Variants in TEX9 observed in about 807,000 individuals in gnomAD.
The protein encoded by TEX9 is testis-expressed protein 9.
A neutral mutation model predicts 59.6 loss-of-function variants in TEX9; 74 were observed. The ratio of observed to expected loss-of-function variants is 1.24; its 90% CI spans 1.03 to 1.51. The LOEUF is 1.51. TEX9 is among the 40% of genes most tolerant of loss of function. The pLI, the probability that TEX9 is intolerant of heterozygous loss-of-function variation, is 0.00. For missense variants in TEX9, 522 were observed against 447.8 expected (o/e 1.17, Z -1.49); for synonymous variants, 186 against 152.2 (o/e 1.22, Z -1.64).
chr15:56,273,789 G>A (rs1219080092), intron 1 of TEX9, among the ~76,000 whole-genome samples: 1 of 152,120 alleles, frequency 6.6e-6, no homozygotes, highest in African/African-American at 2.4e-5. Context: ...CTGATGAATA[G>A]TCTACTCTAA....
chr15:56,252,011 C>T (rs1293145641), intron 1 of TEX9, among the ~76,000 whole-genome samples: 2 of 152,142 alleles, frequency 1.3e-5, no homozygotes. Context: ...TTCTCCTCCC[C>T]CAGAGAGTCT....
chr15:56,423,368 A>G (rs1481770087), intron 10 of TEX9, among the ~76,000 whole-genome samples: 1 of 152,094 alleles, frequency 6.6e-6, no homozygotes, highest in African/African-American at 2.4e-5. Flanking sequence ...CAATCCCCAC[A>G]TATTTGTGGA....
chr15:56,251,816 G>A (rs994314628), intron 1 of TEX9, among the ~76,000 whole-genome samples: 1 of 152,084 alleles, frequency 6.6e-6, no homozygotes, highest in South Asian at 2.1e-4. Flanking sequence ...TATTGGCCAG[G>A]CCTTGGGGAA....
chr15:56,282,888 C>T (rs1487216962), intron 1 of TEX9, among the ~76,000 whole-genome samples: 1 of 151,926 alleles, frequency 6.6e-6, no homozygotes, highest in Non-Finnish European at 1.5e-5. Flanking sequence ...TGGAACTGCA[C>T]TAGTTATTTT....
chr15:56,380,372 T>A (rs1174319373), intron 3 of TEX9, among the ~76,000 whole-genome samples: 4 of 152,204 alleles, frequency 2.6e-5, no homozygotes, highest in Non-Finnish European at 4.4e-5. Flanking sequence ...TACTGTACTG[T>A]CTATGAGTTA....
intron 1 of TEX9, chr15:56,249,143 G>C (rs1302684013): frequency 6.6e-6 from 1 of 152,178 alleles, no homozygotes; most frequent in African/African-American, 2.4e-5. Context: ...GTGTGTGACA[G>C]GATAATTTAT....
chr15:56,253,605 GTGAGTATTAAAGCTGTTAAAGT>G (rs1285826660), intron 1 of TEX9, among the ~76,000 whole-genome samples: 1 of 152,126 alleles, frequency 6.6e-6, no homozygotes, highest in Non-Finnish European at 1.5e-5. Flanking sequence ...GGTTCTCTTA[GTGAGTATTAAAGCTGTTAAAGT>G]TAGCTCTTGA....
chr15:56,452,196 T>C, the TEX9 span, among the ~76,000 whole-genome samples: 2 of 152,274 alleles, frequency 1.3e-5, no homozygotes, highest in African/African-American at 2.4e-5. Flanking sequence ...CATATAGTTA[T>C]ACTCACGGCT....
chr15:56,365,989 T>A, intron 2 of TEX9: 1 of 855,062 alleles, frequency 1.2e-6, no homozygotes, highest in African/African-American at 1.8e-5. Context: ...AATAGTTAGT[T>A]CACTTGATAG....
chr15:56,262,085 T>G (rs1339294612), intron 1 of TEX9, among the ~76,000 whole-genome samples: 1 of 152,140 alleles, frequency 6.6e-6, no homozygotes, highest in African/African-American at 2.4e-5. Context: ...TACAGAAACT[T>G]GGTACTAGGG....
chr15:56,446,810 C>G (rs2140364101), downstream of TEX9: 9 of 1,493,354 alleles, frequency 6.0e-6, no homozygotes, highest in East Asian at 2.0e-4. Flanking sequence ...CTAAATGAAG[C>G]TAAAAACATA....
chr15:56,410,030 G>C (rs964236925), intron 9 of TEX9: 1 of 152,068 alleles, frequency 6.6e-6, no homozygotes, highest in Non-Finnish European at 1.5e-5. Flanking sequence ...GTTAATTTGT[G>C]TGCCCATCAT....
At chr15:56,408,713 G>GATCT (rs35180766) in intron 9 of TEX9, 141,286 of 152,092 alleles carry the variant, frequency 0.93, 65,707 homozygotes, top group African/African-American at 0.98. Context: ...GAGTCATCTT[G>GATCT]ATCTGTTTTC....
chr15:56,375,749 C>G (rs2047410583), intron 3 of TEX9, among the ~76,000 whole-genome samples: 1 of 152,064 alleles, frequency 6.6e-6, no homozygotes, highest in Non-Finnish European at 1.5e-5. Flanking sequence ...ATAAATCATG[C>G]TGCTATAAAG....
intron 10 of TEX9, among the ~76,000 whole-genome samples, chr15:56,415,411 T>A (rs2049625815): frequency 6.6e-6 from 1 of 151,926 alleles, no homozygotes; most frequent in Non-Finnish European, 1.5e-5. Flanking sequence ...TTGGTCTTTG[T>A]ATAAGGTGGA....
At chr15:56,365,756 G>T in intron 2 of TEX9, 86 bp downstream of exon 2, 1 of 1,558,388 alleles carries the variant, frequency 6.4e-7, no homozygotes, top group Non-Finnish European at 8.7e-7. Flanking sequence ...AGACTGGCTG[G>T]ATCTTCGGGA....
chr15:56,340,836 C>G (rs2046359135), intron 1 of TEX9, among the ~76,000 whole-genome samples: 1 of 152,148 alleles, frequency 6.6e-6, no homozygotes. Context: ...TGGTCAAACA[C>G]TGTCTTATAA....
intron 4 of TEX9, among the ~76,000 whole-genome samples, chr15:56,386,019 C>A (rs1596157625): frequency 6.6e-6 from 1 of 151,970 alleles, no homozygotes; most frequent in African/African-American, 2.4e-5. Flanking sequence ...CAATTTTATT[C>A]ATAATTACCA....
At chr15:56,316,803 C>T (rs1444212987) in intron 1 of TEX9, among the ~76,000 whole-genome samples, 1 of 152,238 alleles carries the variant, frequency 6.6e-6, no homozygotes, top group Non-Finnish European at 1.5e-5. Context: ...ATCAGCGAGA[C>T]TCCGTGAGCG....
Sources: gnomAD v4.1 joint callset for allele counts (sites outside exome capture counted in the v4.1 genomes callset) on GRCh38, gnomAD v4.1.1 for gene constraint, MANE v1.5 for transcripts, NCBI Gene and HGNC (gene_info 2026-07-23, HGNC 2026-07-21) for gene names.